HSPG2: variants seen among roughly 807,000 people sequenced by gnomAD.
HSPG2 encodes heparan sulfate proteoglycan 2, also known as basement membrane-specific heparan sulfate proteoglycan core protein.
A neutral mutation model predicts 526.6 loss-of-function variants in HSPG2; 278 were observed. The observed-to-expected ratio is 0.53, with a 90% confidence interval of 0.48 to 0.58. The LOEUF (loss-of-function observed/expected upper bound fraction) is 0.58, where lower values mean the gene tolerates loss of function less well. HSPG2 is among the 20% of genes least tolerant of loss of function. HSPG2 has a pLI of 0.00. For synonymous variants in HSPG2, 2,465 were observed against 2,555.4 expected (o/e 0.96, Z 1.07); for missense variants, 5,354 against 6,099.5 (o/e 0.88, Z 4.07).
intron 1 of HSPG2, among the ~76,000 whole-genome samples, chr1:21,905,286 G>A (rs903888729): frequency 2.7e-5 from 4 of 147,656 alleles, no homozygotes; most frequent in Non-Finnish European, 6.0e-5. Flanking sequence ...CACACGCCAC[G>A]CTCCAACCTC....
intron 28 of HSPG2, 152 bp from the exon 29 acceptor site, chr1:21,874,163 G>A: frequency 2.4e-6 from 2 of 839,554 alleles, no homozygotes; most frequent in East Asian, 5.4e-5. Flanking sequence ...TGTGCTAAGA[G>A]TTCCACATGC....
At position 21,833,935 on chromosome 1, in the gene HSPG2, A is replaced by G. The variant is rs1298728233; in HGVS notation, c.10721-10T>C. The stretch of plus-strand genomic sequence containing the variant: ...GAGATCTGGGGCAAGGCTGAGAGGC[A>G]TGGAAGAGACATAGGCCATCAACAT... On this transcript the variant is annotated splice_polypyrimidine_tract_variant and intron_variant, in intron 77 of 96. Transcript: ENST00000374695. 1.3e-6 allele frequency: 2 copies of G among 1,557,104 alleles called. No homozygotes were observed. Among genetic ancestry groups the G allele is most frequent in the Non-Finnish European group, 1.7e-6 (2 of 1,145,024 alleles).
intron 74 of HSPG2, among the ~76,000 whole-genome samples, chr1:21,838,151 AAAAAAAAG>A (rs1167553234): frequency 1.1e-3 from 161 of 150,572 alleles, no homozygotes; most frequent in African/African-American, 3.4e-3. Context: ...AAAAAAAAAA[AAAAAAAAG>A]AAAGAAACTG....
intron 33 of HSPG2, among the ~76,000 whole-genome samples, chr1:21,871,930 G>T (rs1057254228): frequency 9.9e-5 from 15 of 152,202 alleles, no homozygotes; most frequent in African/African-American, 3.4e-4. Context: ...TAAAAGTCAT[G>T]AACAGCTGAG....
intron 1 of HSPG2, among the ~76,000 whole-genome samples, chr1:21,907,370 C>G (rs1266596578): frequency 6.6e-6 from 1 of 152,142 alleles, no homozygotes; most frequent in Non-Finnish European, 1.5e-5. Context: ...GGTCCCTTCC[C>G]TTCTCTGGGC....
In HSPG2 at chr1:21,851,934, G is replaced by C. The variant is rs1381728235; in HGVS notation, c.6871-8C>G. On this transcript the variant is annotated splice_polypyrimidine_tract_variant and splice_region_variant and intron_variant, in intron 53 of 96. Coordinates refer to ENST00000374695, the MANE Select transcript of HSPG2 (RefSeq NM_005529.7). ...CAGGCGGGAGCCACGAACCTGGGCA[G>C]CCGTGGGCAGAGGTGTGAGGGGGGC... The C allele has an allele frequency of 1.2e-6, 2 of 1,602,052 alleles. No individual in the cohort carries two copies. The highest frequency in any genetic ancestry group is 2.2e-5 in the South Asian group (2 of 90,080).
intron 1 of HSPG2, among the ~76,000 whole-genome samples, chr1:21,926,699 T>G (rs1644200488): frequency 7.4e-6 from 1 of 134,268 alleles, no homozygotes; most frequent in African/African-American, 2.8e-5. Context: ...GAGGCAGAGG[T>G]TGCAGTGAGC....
At position 21,895,883 on chromosome 1, in the gene HSPG2, G is replaced by T. The variant is rs770699526; in HGVS notation, c.244+39C>A. The T allele has an allele frequency of 6.2e-6, 10 of 1,603,938 alleles. No individual in the cohort carries two copies. The highest frequency in any genetic ancestry group is 8.5e-6 in the Non-Finnish European group (10 of 1,171,350). The stretch of plus-strand genomic sequence containing the variant: ...GACTGGCTCTGGGGCTTCCCTGGGG[G>T]ACAGGAGGGAGACCTGCAGGAGGCC... On this transcript the variant is annotated intron_variant, in intron 3 of 96. Coordinates refer to ENST00000374695, the MANE Select transcript of HSPG2 (RefSeq NM_005529.7). The surrounding 1 kb of genome is among the most constrained non-coding windows in gnomAD (Gnocchi z 4.1).
At chr1:21,900,281 G>C (rs942974242) in intron 1 of HSPG2, among the ~76,000 whole-genome samples, 1 of 152,210 alleles carries the variant, frequency 6.6e-6, no homozygotes, top group Non-Finnish European at 1.5e-5. Flanking sequence ...TGACTCAACC[G>C]GGCCCAGGCC....
Position 21,890,010 on chromosome 1 carries a change from T to A in HSPG2, c.545A>T (p.Gln182Leu). 1.9e-6 allele frequency: 3 copies of A among 1,614,016 alleles called. No homozygotes were observed. The highest frequency in any genetic ancestry group is 1.1e-5 in the South Asian group (1 of 91,080). ...GCCCAGGCGTCGGAACTGGAATCCC[T>A]GGGGAGAGGTGACGTAGGAGGCCAC... ...GSVASYVTSP[Q>L]GFQFRRLGTV... Residue 182 changes from glutamine to leucine, a missense_variant, in exon 6 of 97, where the codon CAG becomes CTG. Gln to Leu is a moderately radical substitution (Grantham distance 113). Transcript: ENST00000374695. The surrounding 1 kb of genome is among the most constrained non-coding windows in gnomAD (Gnocchi z 4.1).
At chr1:21,899,249 G>A (rs1445350886) in intron 1 of HSPG2, among the ~76,000 whole-genome samples, 1 of 152,168 alleles carries the variant, frequency 6.6e-6, no homozygotes, top group Non-Finnish European at 1.5e-5. Context: ...AAAGGTTCCA[G>A]GAGCTCTGTA....
chr1:21,842,754 A>G lies in HSPG2; in HGVS notation c.8910+16T>C. On this transcript the variant is annotated intron_variant, in intron 67 of 96. Coordinates refer to ENST00000374695, the MANE Select transcript of HSPG2 (RefSeq NM_005529.7). The stretch of plus-strand genomic sequence containing the variant: ...CCTTGCCTGACCTGGAATCCTCCCC[A>G]TCCTGGCCCCTGTACCTGGTGCCGG... The G allele has an allele frequency of 1.2e-6, 2 of 1,612,528 alleles. No individual in the cohort carries two copies. The highest frequency in any genetic ancestry group is 1.7e-6 in the Non-Finnish European group (2 of 1,180,008).
intron 9 of HSPG2, among the ~76,000 whole-genome samples, chr1:21,886,093 G>A (rs745690776): frequency 2.0e-5 from 3 of 152,354 alleles, no homozygotes; most frequent in Non-Finnish European, 2.9e-5. Flanking sequence ...GAGCAGGTGC[G>A]AGAGGAGACC....
Position 21,890,515 on chromosome 1 carries a change from A to G in HSPG2, c.355-30T>C. The G allele has an allele frequency of 6.2e-7, 1 of 1,613,222 alleles. No individual in the cohort carries two copies. The highest frequency in any genetic ancestry group is 8.5e-7 in the Non-Finnish European group (1 of 1,179,290). ...GGAGGGACACAGTGCCATCAGCCCC[A>G]GAGGCCTTCACCCCATCCTCGGTCC... On this transcript the variant is annotated intron_variant, in intron 4 of 96. Transcript: ENST00000374695. This position sits in a 1 kb window ranked among gnomAD's most constrained non-coding sequence, Gnocchi z 4.1.
At chr1:21,910,252 G>A (rs193077675) in intron 1 of HSPG2, among the ~76,000 whole-genome samples, 1 of 152,312 alleles carries the variant, frequency 6.6e-6, no homozygotes, top group East Asian at 1.9e-4. Context: ...GGAACAAAAG[G>A]CCTTGCCCTC....
In HSPG2 at chr1:21,872,986, T is replaced by C. The variant is rs757452257; in HGVS notation, c.3888+11A>G. ...AGAGCAGGCCCCGCAGGGACAGGGATTCGGACTGACCTTGCACTGGCACTG... is the reference window on the plus strand; with the variant it reads ...AGAGCAGGCCCCGCAGGGACAGGGACTCGGACTGACCTTGCACTGGCACTG... On this transcript the variant is annotated intron_variant, in intron 31 of 96. Coordinates refer to ENST00000374695, the MANE Select transcript of HSPG2 (RefSeq NM_005529.7). This position sits in a 1 kb window ranked among gnomAD's most constrained non-coding sequence, Gnocchi z 5.5. 2.7e-5 allele frequency: 43 copies of C among 1,610,110 alleles called. No homozygotes were observed. Among genetic ancestry groups the C allele is most frequent in the African/African-American group, 5.3e-5 (4 of 74,894 alleles).
At chr1:21,871,879 G>T (rs1042257989) in intron 33 of HSPG2, among the ~76,000 whole-genome samples, 1 of 152,166 alleles carries the variant, frequency 6.6e-6, no homozygotes. Flanking sequence ...TATATTTCCC[G>T]GCCTCTCCCA....
chr1:21,881,942 C>CAAAA (rs10570430), intron 13 of HSPG2, among the ~76,000 whole-genome samples: 16 of 87,210 alleles, frequency 1.8e-4, no homozygotes, highest in African/African-American at 4.3e-4. Context: ...GACTCTGTCT[C>CAAAA]AAAAAAAAAA....
chr1:21,853,948 C>A, intron 50 of HSPG2: 1 of 531,014 alleles, frequency 1.9e-6, no homozygotes, highest in South Asian at 2.4e-5. Context: ...GCTTAGTATT[C>A]AACCTGGACA....
Sources: gnomAD v4.1 joint callset for allele counts (sites outside exome capture counted in the v4.1 genomes callset) on GRCh38, gnomAD v4.1.1 for gene constraint, Gnocchi (gnomAD v3.1) non-coding constraint, MANE v1.5 for transcripts, NCBI Gene and HGNC (gene_info 2026-07-23, HGNC 2026-07-21) for gene names.